DLG2: variants seen among roughly 807,000 people sequenced by gnomAD.
DLG2 encodes the protein discs large MAGUK scaffold protein 2.
A neutral mutation model predicts 132.5 loss-of-function variants in DLG2; 45 were observed. The ratio of observed to expected loss-of-function variants is 0.34; its 90% confidence interval spans 0.27 to 0.44. The LOEUF is 0.44. DLG2 is among the 20% of genes least tolerant of loss of function. The pLI is 1.00. For missense variants in DLG2, 1,045 were observed against 1,196.9 expected (o/e 0.87, Z 1.87); for synonymous variants, 424 against 419.6 (o/e 1.01, Z -0.13).
intron 4 of DLG2, among the ~76,000 whole-genome samples, chr11:85,172,344 A>AC (rs747441872): frequency 6.6e-6 from 1 of 152,126 alleles, no homozygotes; most frequent in Non-Finnish European, 1.5e-5. Flanking sequence ...TCTAGAGTGG[A>AC]CCCCCAGGAA....
At chr11:83,659,984 A>G (rs2073827273) in intron 18 of DLG2, among the ~76,000 whole-genome samples, 1 of 152,218 alleles carries the variant, frequency 6.6e-6, no homozygotes, top group Non-Finnish European at 1.5e-5. Flanking sequence ...CCAGACTGGA[A>G]TATCTGCTTA....
chr11:84,927,805 T>C (rs1185123631), intron 6 of DLG2, among the ~76,000 whole-genome samples: 1 of 152,004 alleles, frequency 6.6e-6, no homozygotes, highest in South Asian at 2.1e-4. Context: ...TTCTCTAAAG[T>C]CTAGAGCAGT....
chr11:84,452,306 T>A (rs1602381448), intron 7 of DLG2, among the ~76,000 whole-genome samples: 1 of 151,360 alleles, frequency 6.6e-6, no homozygotes, highest in South Asian at 2.1e-4. Flanking sequence ...GACAGGTAGG[T>A]GAAGGAAGAA....
intron 3 of DLG2, among the ~76,000 whole-genome samples, chr11:85,353,773 G>T (rs1015869314): frequency 6.6e-6 from 1 of 152,130 alleles, no homozygotes; most frequent in Non-Finnish European, 1.5e-5. Context: ...TCACTCATAG[G>T]TGGGAATTCA....
intron 8 of DLG2, among the ~76,000 whole-genome samples, chr11:84,207,343 T>C (rs972565825): frequency 4.6e-5 from 7 of 151,794 alleles, no homozygotes; most frequent in Non-Finnish European, 1.0e-4. Flanking sequence ...CAATACAATC[T>C]TGAAAGAAAA....
intron 3 of DLG2, among the ~76,000 whole-genome samples, chr11:85,349,463 TA>T (rs771280461): frequency 6.6e-6 from 1 of 151,952 alleles, no homozygotes; most frequent in Non-Finnish European, 1.5e-5. Context: ...GCACAATGTG[TA>T]GGTTTGATAC....
At chr11:83,965,785 T>C (rs761841945) in intron 12 of DLG2, among the ~76,000 whole-genome samples, 18 of 151,926 alleles carry the variant, frequency 1.2e-4, no homozygotes, top group Non-Finnish European at 2.5e-4. Flanking sequence ...AAGTAACACA[T>C]ATTAGTGGAA....
intron 3 of DLG2, among the ~76,000 whole-genome samples, chr11:85,341,110 T>TTTTTGTTTTGTTTTG (rs10641157): frequency 2.0e-5 from 3 of 150,102 alleles, no homozygotes; most frequent in African/African-American, 7.4e-5. Flanking sequence ...TTCTTGTTTG[T>TTTTTGTTTTGTTTTG]TTTTGTTTTG....
chr11:84,257,844 G>A (rs1598490386), intron 7 of DLG2, among the ~76,000 whole-genome samples: 1 of 151,792 alleles, frequency 6.6e-6, no homozygotes, highest in Admixed American at 6.6e-5. Flanking sequence ...GTACCACCAT[G>A]CCTGGCTAAT....
At chr11:83,564,709 T>C (rs903964047) in intron 19 of DLG2, among the ~76,000 whole-genome samples, 3 of 152,208 alleles carry the variant, frequency 2.0e-5, no homozygotes, top group Non-Finnish European at 4.4e-5. Flanking sequence ...TTAGAGAAGA[T>C]TGATAATCTT....
intron 6 of DLG2, among the ~76,000 whole-genome samples, chr11:85,047,650 A>G (rs2154152601): frequency 6.6e-6 from 1 of 152,058 alleles, no homozygotes; most frequent in East Asian, 1.9e-4. Context: ...CTATTAAAAT[A>G]ACTGGGACAA....
chr11:84,588,531 C>T (rs969589785), intron 6 of DLG2, among the ~76,000 whole-genome samples: 5 of 152,124 alleles, frequency 3.3e-5, no homozygotes, highest in Admixed American at 6.6e-5. Context: ...CCTAAGTTTA[C>T]GGACTCTGAA....
intron 19 of DLG2, among the ~76,000 whole-genome samples, chr11:83,577,339 T>G (rs556639273): frequency 6.7e-6 from 1 of 149,646 alleles, no homozygotes; most frequent in Non-Finnish European, 1.5e-5. Flanking sequence ...TAATAGGAGA[T>G]ATATATATCT....
At chr11:85,268,658 T>A (rs1190439912) in intron 4 of DLG2, among the ~76,000 whole-genome samples, 2 of 152,212 alleles carry the variant, frequency 1.3e-5, no homozygotes, top group Non-Finnish European at 2.9e-5. Context: ...TATCCCTTTT[T>A]CAGAAAATCC....
intron 6 of DLG2, among the ~76,000 whole-genome samples, chr11:84,629,063 T>G (rs1006109282): frequency 6.6e-6 from 1 of 152,216 alleles, no homozygotes; most frequent in African/African-American, 2.4e-5. Context: ...AAATTACATA[T>G]TGCACAGCAT....
At chr11:84,031,113 C>A (rs1348700477) in intron 11 of DLG2, among the ~76,000 whole-genome samples, 1 of 151,888 alleles carries the variant, frequency 6.6e-6, no homozygotes, top group Non-Finnish European at 1.5e-5. Flanking sequence ...AGGATAAAGA[C>A]CTGCAGATTA....
intron 6 of DLG2, among the ~76,000 whole-genome samples, chr11:84,737,330 CT>C: frequency 6.6e-6 from 1 of 151,880 alleles, no homozygotes; most frequent in South Asian, 2.1e-4. Flanking sequence ...ATATATTTGC[CT>C]GTTTTTATAC....
chr11:83,862,468 G>T (rs2061603702), intron 16 of DLG2, among the ~76,000 whole-genome samples: 1 of 152,060 alleles, frequency 6.6e-6, no homozygotes, highest in Admixed American at 6.6e-5. Context: ...GGGAAATATT[G>T]AGATGGTTAA....
intron 6 of DLG2, among the ~76,000 whole-genome samples, chr11:85,092,706 G>A (rs558613307): frequency 4.7e-5 from 7 of 149,278 alleles, no homozygotes; most frequent in South Asian, 2.1e-4. Context: ...GCAGTGACAC[G>A]ATCTCGGCTC....
Sources: allele counts gnomAD v4.1 joint callset (sites outside exome capture counted in the v4.1 genomes callset), GRCh38; gene constraint gnomAD v4.1.1; transcripts MANE v1.5; gene names NCBI Gene and HGNC (gene_info 2026-07-23, HGNC 2026-07-21).